Variants in LAMA2 observed in about 807,000 individuals in gnomAD.
The protein encoded by LAMA2 is laminin subunit alpha 2.
LAMA2 carries 269 observed loss-of-function variants against 364.8 expected under a neutral mutation model. That is an observed-to-expected ratio of 0.74 (90% CI 0.67 to 0.82). The LOEUF is 0.82. Ranked by LOEUF, LAMA2 falls within the 40% of genes least tolerant of loss-of-function variation. The pLI, the probability that LAMA2 is intolerant of heterozygous loss-of-function variation, is 0.00. For missense variants in LAMA2, 3,807 were observed against 3,873.2 expected, an observed-to-expected ratio of 0.98 and a Z score of 0.45; for synonymous variants, 1,379 against 1,370.6, an observed-to-expected ratio of 1.01 and a Z score of -0.14.
At position 129,505,266 on chromosome 6, in the gene LAMA2, A is replaced by G. The variant is rs757873582; in HGVS notation, c.8614A>G (p.Ser2872Gly). Residue 2872 changes from serine (S) to glycine (G), a missense_variant, in exon 61 of 65, where the codon AGT becomes GGT. This residue lies in a region of LAMA2 where 3,333 missense variants were observed against 3,345.7 expected (regional missense o/e 1.00). Coordinates refer to ENST00000421865, the MANE Select transcript of LAMA2 (RefSeq NM_000426.4). The stretch of plus-strand genomic sequence containing the variant: ...AGATGGGGCTTCCAACAGAACCATC[A>G]GTCCCAAAAAAGCCGACATCCTGGA... ...YVDGASNRTISPKKADILDVV... is the reference protein window; with the variant it reads ...YVDGASNRTIGPKKADILDVV... 5.0e-6 allele frequency: 8 copies of G among 1,613,744 alleles called. No individual in the cohort carries two copies. The highest frequency in any genetic ancestry group is 5.9e-6 in the Non-Finnish European group (7 of 1,179,618).
intron 3 of LAMA2, among the ~76,000 whole-genome samples, chr6:129,096,937 A>G (rs982745977): frequency 2.0e-5 from 3 of 152,198 alleles, no homozygotes; most frequent in South Asian, 4.1e-4. Flanking sequence ...CCCTTAGGGT[A>G]TACCATAGAT....
At chr6:128,912,250 A>G (rs534197017) in intron 1 of LAMA2, among the ~76,000 whole-genome samples, 25 of 152,172 alleles carry the variant, frequency 1.6e-4, no homozygotes, top group Non-Finnish European at 2.9e-4. Context: ...TTAGTCTAGT[A>G]ATGTTTATTT....
Position 128,911,053 on chromosome 6 carries a change from G to A in LAMA2, c.112+27696G>A, listed in dbSNP as rs555517778. On this transcript the variant is annotated intron_variant, in intron 1 of 64. Coordinates refer to ENST00000421865, the MANE Select transcript of LAMA2 (RefSeq NM_000426.4). ...TGCTCTCTTCAAAGCTGTCAGACAG[G>A]GACATTTAAGTCTGCAGAGGTTACT... Among the ~76,000 whole-genome samples the A allele has an allele frequency of 4.6e-4, 70 of 151,848 alleles. 1 individual carries two copies. The highest frequency in any genetic ancestry group is 1.6e-3 in the African/African-American group (66 of 41,272).
Position 129,335,984 on chromosome 6 carries a change from G to A in LAMA2, c.4312-6359G>A, listed in dbSNP as rs117016968. The stretch of plus-strand genomic sequence containing the variant: ...GGGGTCATGTATGGAAAACACTTGA[G>A]AAATTGTGAGAACATAAAATTTGTC... On this transcript the variant is annotated intron_variant, in intron 29 of 64. Coordinates refer to ENST00000421865, the MANE Select transcript of LAMA2 (RefSeq NM_000426.4). Among the ~76,000 whole-genome samples, 1,275 of 152,250 alleles carry A rather than the reference G, an allele frequency of 8.4e-3. 13 individuals carry two copies. Among genetic ancestry groups the A allele is most frequent in the Non-Finnish European group, 0.014 (925 of 68,018 alleles).
At chr6:129,167,072 GAAATA>G (rs1358815697) in intron 9 of LAMA2, among the ~76,000 whole-genome samples, 7 of 151,892 alleles carry the variant, frequency 4.6e-5, no homozygotes, top group African/African-American at 7.3e-5. Flanking sequence ...TAATAGTAAA[GAAATA>G]AAATAATAAG....
At chr6:128,903,428 T>C (rs552613048) in intron 1 of LAMA2, among the ~76,000 whole-genome samples, 2 of 152,340 alleles carry the variant, frequency 1.3e-5, no homozygotes, top group African/African-American at 4.8e-5. Context: ...TTGATTTACA[T>C]GGTTGTATGG....
chr6:129,240,926 C>T (rs1785356968), intron 12 of LAMA2, among the ~76,000 whole-genome samples: 1 of 152,112 alleles, frequency 6.6e-6, no homozygotes, highest in African/African-American at 2.4e-5. Context: ...TCAAACTTCC[C>T]AAACACTAAA....
intron 24 of LAMA2, 91 bp downstream of exon 24, chr6:129,314,889 C>A (rs1249333884): frequency 7.4e-7 from 1 of 1,346,912 alleles, no homozygotes; most frequent in Non-Finnish European, 1.1e-6. Context: ...TAGAAAATGG[C>A]AAAACATTTA....
intron 2 of LAMA2, among the ~76,000 whole-genome samples, chr6:129,050,348 A>G (rs967323476): frequency 5.9e-5 from 9 of 152,188 alleles, no homozygotes; most frequent in Non-Finnish European, 1.0e-4. Context: ...AACTCCAGAT[A>G]CCAAAGTGGT....
intron 45 of LAMA2, among the ~76,000 whole-genome samples, chr6:129,449,768 A>C (rs1157096040): frequency 1.3e-5 from 2 of 149,360 alleles, no homozygotes; most frequent in Non-Finnish European, 3.0e-5. Context: ...CAGAGCAGTT[A>C]GATTTTAGTG....
At chr6:129,024,886 T>TTA (rs1390512562) in intron 1 of LAMA2, among the ~76,000 whole-genome samples, 2 of 152,036 alleles carry the variant, frequency 1.3e-5, no homozygotes, top group Admixed American at 6.6e-5. Context: ...GAGTCTGAGG[T>TTA]TATAGCACAC....
intron 1 of LAMA2, among the ~76,000 whole-genome samples, chr6:128,966,087 C>A (rs1040236057): frequency 7.0e-6 from 1 of 142,622 alleles, no homozygotes; most frequent in South Asian, 2.2e-4. Context: ...TTATCAGGAA[C>A]AGAAAATTGT....
chr6:129,371,490 C>T (rs1287057067), intron 34 of LAMA2, among the ~76,000 whole-genome samples: 1 of 151,988 alleles, frequency 6.6e-6, no homozygotes, highest in Non-Finnish European at 1.5e-5. Flanking sequence ...TTGGGAGTCT[C>T]TCATGTTCTA....
intron 12 of LAMA2, among the ~76,000 whole-genome samples, chr6:129,219,451 A>C (rs1034152191): frequency 1.3e-5 from 2 of 151,718 alleles, no homozygotes; most frequent in Admixed American, 6.6e-5. Context: ...TTGAAATACC[A>C]TTTGACCCAG....
chr6:129,038,867 G>C lies in LAMA2; in HGVS notation c.113-11051G>C, dbSNP rs557084166. ...GTTGGACAGCCAAGAAATGATGAAG[G>C]TCTGCCACATTTTTCATATAGGTTG... On this transcript the variant is annotated intron_variant, in intron 1 of 64. Transcript: ENST00000421865. 7.9e-5 allele frequency among the ~76,000 whole-genome samples: 12 copies of C among 152,260 alleles called. No individual in the cohort carries two copies. In the South Asian group the frequency reaches 1.0e-3, roughly 13 times the overall value.
chr6:129,085,856 T>C (rs1177340677), intron 3 of LAMA2, among the ~76,000 whole-genome samples: 1 of 152,234 alleles, frequency 6.6e-6, no homozygotes, highest in Non-Finnish European at 1.5e-5. Context: ...ATTTTTATCA[T>C]GTCCTCTTAA....
rs375731148 is a variant in LAMA2 at position 129,417,238 on chromosome 6, G to A, written c.5866-10514G>A. On this transcript the variant is annotated intron_variant, in intron 40 of 64. Transcript: ENST00000421865. ...TTGCAGACAACTGGAGGGTTAGCAA[G>A]GTGAAGAGGTGCTTTATTGAGTGAC... Among the ~76,000 whole-genome samples, 123 of 152,264 alleles carry A rather than the reference G, an allele frequency of 8.1e-4. 7 individuals carry two copies. The South Asian group carries it at 0.025, about 32-fold the overall frequency.
At position 129,236,916 on chromosome 6, in the gene LAMA2, T is replaced by C. The variant is rs562405641; in HGVS notation, c.1783-13196T>C. On this transcript the variant is annotated intron_variant, in intron 12 of 64. Transcript: ENST00000421865. The stretch of plus-strand genomic sequence containing the variant: ...ATATGTAATATATCATATGTATCTA[T>C]GATTGTGTATTTCATTGAATGAATG... 3.3e-5 allele frequency among the ~76,000 whole-genome samples: 5 copies of C among 152,354 alleles called. No individual in the cohort carries two copies. In the East Asian group the frequency reaches 7.7e-4, roughly 23 times the overall value.
At chr6:129,110,403 G>A (rs1583059891) in intron 4 of LAMA2, among the ~76,000 whole-genome samples, 1 of 152,158 alleles carries the variant, frequency 6.6e-6, no homozygotes. Flanking sequence ...GATCATGCTA[G>A]ATTTGCTGGT....
Sources: gnomAD v4.1 joint callset for allele counts (sites outside exome capture counted in the v4.1 genomes callset) on GRCh38, gnomAD v4.1.1 for gene constraint, gnomAD v4.1.1 regional missense constraint, MANE v1.5 for transcripts, NCBI Gene and HGNC (gene_info 2026-07-23, HGNC 2026-07-21) for gene names.